Variants in DERA observed in about 807,000 individuals in gnomAD.
DERA encodes 2-deoxy-D-ribose 5-phosphate aldolase.
DERA carries 15 observed loss-of-function variants against 41.1 expected under a neutral mutation model. That is an observed-to-expected ratio of 0.37 (90% CI 0.24 to 0.56). The LOEUF (loss-of-function observed/expected upper bound fraction) is 0.56. DERA is among the 20% of genes least tolerant of loss of function. DERA has a pLI of 0.81. For missense variants in DERA, 396 were observed against 403.4 expected (o/e 0.98, Z 0.16); for synonymous variants, 139 against 137.4 (o/e 1.01, Z -0.08).
intron 1 of DERA, among the ~76,000 whole-genome samples, chr12:15,950,781 A>G (rs1414782950): frequency 6.6e-6 from 1 of 152,196 alleles, no homozygotes; most frequent in Non-Finnish European, 1.5e-5. Context: ...GCTCAGATGT[A>G]TAATATAGTT....
intron 4 of DERA, among the ~76,000 whole-genome samples, chr12:15,960,734 A>C (rs1421201234): frequency 6.6e-6 from 1 of 151,696 alleles, no homozygotes; most frequent in Non-Finnish European, 1.5e-5. Context: ...GGTTGGTGAC[A>C]CCAAAGTAAG....
At chr12:15,956,231 G>C (rs1315201943) in intron 1 of DERA, among the ~76,000 whole-genome samples, 1 of 152,236 alleles carries the variant, frequency 6.6e-6, no homozygotes, top group African/African-American at 2.4e-5. Flanking sequence ...CTAATATTTA[G>C]ACTAGGTCTG....
intron 5 of DERA, among the ~76,000 whole-genome samples, chr12:15,975,828 T>G (rs1288896331): frequency 6.6e-6 from 1 of 152,256 alleles, no homozygotes; most frequent in African/African-American, 2.4e-5. Flanking sequence ...TAATAGATGT[T>G]TCAGGCGTAT....
chr12:15,967,960 G>C lies in DERA; in HGVS notation c.508+5013G>C, dbSNP rs1297186660. On this transcript the variant is annotated intron_variant, in intron 5 of 8. Coordinates refer to ENST00000428559, the MANE Select transcript of DERA (RefSeq NM_015954.4). The surrounding 1 kb of genome is among the most constrained non-coding windows in gnomAD (Gnocchi z 4.9). ...TGGGCATTTGTGATAAAAGAATTGA[G>C]GTGTGTATGTGAGGGAGGAATAGGC... Among the ~76,000 whole-genome samples, 2 of 152,114 alleles carry C rather than the reference G, an allele frequency of 1.3e-5. No homozygotes were observed. The highest frequency in any genetic ancestry group is 4.8e-5 in the African/African-American group (2 of 41,432).
rs1224120956 is a variant in DERA at position 15,921,253 on chromosome 12, A to T, written c.31+9839A>T. Among the ~76,000 whole-genome samples the T allele has an allele frequency of 6.6e-6, 1 of 152,194 alleles. No homozygotes were observed. Among genetic ancestry groups the T allele is most frequent in the East Asian group, 1.9e-4 (1 of 5,192 alleles). On this transcript the variant is annotated intron_variant, in intron 1 of 8. Coordinates refer to ENST00000428559, the MANE Select transcript of DERA (RefSeq NM_015954.4). This position sits in a 1 kb window ranked among gnomAD's most constrained non-coding sequence, Gnocchi z 5.3. ...TCTGAAAAGTGCACTGTGTCTGAAAAGGGACATACTTTATTCAAATGATGC... is the reference window on the plus strand; with the variant it reads ...TCTGAAAAGTGCACTGTGTCTGAAATGGGACATACTTTATTCAAATGATGC...
chr12:15,983,173 C>G lies in DERA; in HGVS notation c.637+737C>G, dbSNP rs1459298572. On this transcript the variant is annotated intron_variant, in intron 6 of 8. Transcript: ENST00000428559. The surrounding 1 kb of genome is among the most constrained non-coding windows in gnomAD (Gnocchi z 6.2). ...CTTTTGTTCCCCTCCAATCTGTTCT[C>G]CACACTGTCACCACAATTTTTTTTT... 6.6e-6 allele frequency among the ~76,000 whole-genome samples: 1 copy of G among 152,176 alleles called. No homozygotes were observed. Among genetic ancestry groups the G allele is most frequent in the Non-Finnish European group, 1.5e-5 (1 of 68,014 alleles).
chr12:16,014,139 T>C lies in DERA; in HGVS notation c.638-18403T>C, dbSNP rs1948964976. On this transcript the variant is annotated intron_variant, in intron 6 of 8. Transcript: ENST00000428559. This position sits in a 1 kb window ranked among gnomAD's most constrained non-coding sequence, Gnocchi z 5.4. ...AGCAGAGCATAAAAGTTTAGAAAAT[T>C]TGCAGCCTGATGATGTGATAGAAAA... 6.6e-6 allele frequency among the ~76,000 whole-genome samples: 1 copy of C among 152,108 alleles called. No homozygotes were observed. Among genetic ancestry groups the C allele is most frequent in the Non-Finnish European group, 1.5e-5 (1 of 68,022 alleles).
chr12:15,963,089 G>A, intron 5 of DERA, 142 bp downstream of exon 5: 1 of 1,205,766 alleles, frequency 8.3e-7, no homozygotes, highest in Non-Finnish European at 1.1e-6. Context: ...GAGAAAGCAG[G>A]CTAAGATTAC....
At chr12:15,961,040 A>G (rs968903385) in intron 4 of DERA, among the ~76,000 whole-genome samples, 1 of 152,218 alleles carries the variant, frequency 6.6e-6, no homozygotes, top group Non-Finnish European at 1.5e-5. Context: ...GATAGGGAAG[A>G]CACTGAAAGG....
chr12:15,939,761 T>C (rs1221253356), intron 1 of DERA, among the ~76,000 whole-genome samples: 1 of 152,164 alleles, frequency 6.6e-6, no homozygotes, highest in East Asian at 1.9e-4. Context: ...CTTCAAAGAA[T>C]CAGATGTTTC....
In DERA at chr12:16,009,748, G is replaced by A. The variant is rs1948935481; in HGVS notation, c.638-22794G>A. ...ACATGGGAGAAATTATATCTACAAT[G>A]TAGAAGACTCTAACATGTACTCTAA... is the stretch of plus-strand genomic sequence containing the variant. On this transcript the variant is annotated intron_variant, in intron 6 of 8. Coordinates refer to ENST00000428559, the MANE Select transcript of DERA (RefSeq NM_015954.4). This position sits in a 1 kb window ranked among gnomAD's most constrained non-coding sequence, Gnocchi z 5.3. 6.6e-6 allele frequency among the ~76,000 whole-genome samples: 1 copy of A among 152,066 alleles called. No homozygotes were observed. The highest frequency in any genetic ancestry group is 1.5e-5 in the Non-Finnish European group (1 of 68,014).
Position 15,995,108 on chromosome 12 carries a change from A to G in DERA, c.637+12672A>G, listed in dbSNP as rs1592040804. Among the ~76,000 whole-genome samples, 2 of 152,304 alleles carry G rather than the reference A, an allele frequency of 1.3e-5. No individual in the cohort carries two copies. The highest frequency in any genetic ancestry group is 3.4e-3 in the Middle Eastern group (1 of 294). On this transcript the variant is annotated intron_variant, in intron 6 of 8. Coordinates refer to ENST00000428559, the MANE Select transcript of DERA (RefSeq NM_015954.4). The surrounding 1 kb of genome is among the most constrained non-coding windows in gnomAD (Gnocchi z 5.1). ...GCTCTCTATCCTGCAATTGATCTGT[A>G]TATCAGATAATATTTATAAGCTGTG...
At chr12:15,926,928 T>C (rs563231129) in intron 1 of DERA, among the ~76,000 whole-genome samples, 5 of 152,290 alleles carry the variant, frequency 3.3e-5, no homozygotes, top group African/African-American at 1.2e-4. Flanking sequence ...ATACCAGTTC[T>C]TCACTTGGAG....
chr12:15,968,469 C>A (rs1948638732), intron 5 of DERA, among the ~76,000 whole-genome samples: 1 of 152,204 alleles, frequency 6.6e-6, no homozygotes, highest in African/African-American at 2.4e-5. Flanking sequence ...CATCACCCGG[C>A]CAGGCAGCCA....
rs1355369236 is a variant in DERA at position 15,921,830 on chromosome 12, G to C, written c.31+10416G>C. 6.6e-6 allele frequency among the ~76,000 whole-genome samples: 1 copy of C among 152,090 alleles called. No homozygotes were observed. Among genetic ancestry groups the C allele is most frequent in the Non-Finnish European group, 1.5e-5 (1 of 68,028 alleles). On this transcript the variant is annotated intron_variant, in intron 1 of 8. Coordinates refer to ENST00000428559, the MANE Select transcript of DERA (RefSeq NM_015954.4). The surrounding 1 kb of genome is among the most constrained non-coding windows in gnomAD (Gnocchi z 5.3). ...AATCCCAGCTACTCGGGAGACTGAG[G>C]TAGGAGAATCGCTTGAACCCAGGAG...
intron 1 of DERA, among the ~76,000 whole-genome samples, chr12:15,934,977 C>CT (rs886454723): frequency 6.6e-6 from 1 of 152,266 alleles, no homozygotes; most frequent in African/African-American, 2.4e-5. Flanking sequence ...GATAAAGCTG[C>CT]TGTTCCTCCC....
chr12:15,957,179 G>A lies in DERA; in HGVS notation c.129+146G>A. The stretch of plus-strand genomic sequence containing the variant: ...TGACTTATTTTAATAATTCATATAT[G>A]ATGATGATGGGTTGGAGAAAGATAA... On this transcript the variant is annotated intron_variant, in intron 2 of 8. Coordinates refer to ENST00000428559, the MANE Select transcript of DERA (RefSeq NM_015954.4). The surrounding 1 kb of genome is among the most constrained non-coding windows in gnomAD (Gnocchi z 4.8). 1.5e-6 allele frequency: 1 copy of A among 658,650 alleles called. No homozygotes were observed. The highest frequency in any genetic ancestry group is 1.9e-5 in the South Asian group (1 of 53,702). The allele number at this position is 658,650 out of a possible 1,614,324, so 40.8% of individuals were successfully genotyped here. A position where few individuals can be genotyped will look rare whatever the true frequency, so the allele number is the denominator to read the frequency against.
Position 16,010,134 on chromosome 12 carries a change from G to A in DERA, c.638-22408G>A, listed in dbSNP as rs1487155661. Reference sequence around the variant, plus strand: ...GAAGCCAAGCCCTTCTGCTGTGAGGGAAATATAGCATGTGAGCATATATAT... The same window carrying A: ...GAAGCCAAGCCCTTCTGCTGTGAGGAAAATATAGCATGTGAGCATATATAT... On this transcript the variant is annotated intron_variant, in intron 6 of 8. Coordinates refer to ENST00000428559, the MANE Select transcript of DERA (RefSeq NM_015954.4). This position sits in a 1 kb window ranked among gnomAD's most constrained non-coding sequence, Gnocchi z 5.5. Among the ~76,000 whole-genome samples, 5 of 152,130 alleles carry A rather than the reference G, an allele frequency of 3.3e-5. No individual in the cohort carries two copies. The highest frequency in any genetic ancestry group is 1.2e-4 in the African/African-American group (5 of 41,442).
At chr12:15,912,301 A>G (rs1436664975) in intron 1 of DERA, among the ~76,000 whole-genome samples, 1 of 152,156 alleles carries the variant, frequency 6.6e-6, no homozygotes, top group African/African-American at 2.4e-5. Flanking sequence ...CTGAGTGGAC[A>G]CAGCACATGT....
Sources: gnomAD v4.1 joint callset for allele counts (sites outside exome capture counted in the v4.1 genomes callset) on GRCh38, gnomAD v4.1.1 for gene constraint, Gnocchi (gnomAD v3.1) non-coding constraint, MANE v1.5 for transcripts, NCBI Gene and HGNC (gene_info 2026-07-23, HGNC 2026-07-21) for gene names.